Variants in TTC27 observed in about 807,000 individuals in gnomAD.
TTC27 encodes the protein tetratricopeptide repeat domain 27.
A neutral mutation model predicts 115.9 loss-of-function variants in TTC27; 79 were observed. That is an observed-to-expected ratio of 0.68 (90% CI 0.57 to 0.82). TTC27 has a LOEUF of 0.82. TTC27 is among the 40% of genes least tolerant of loss of function. The pLI is 0.00. For missense variants in TTC27, 1,054 were observed against 993.1 expected, an observed-to-expected ratio of 1.06 and a Z score of -0.82; for synonymous variants, 401 against 356.0, an observed-to-expected ratio of 1.13 and a Z score of -1.42.
intron 5 of TTC27, among the ~76,000 whole-genome samples, chr2:32,656,245 T>C (rs1665311237): frequency 6.6e-6 from 1 of 152,180 alleles, no homozygotes; most frequent in African/African-American, 2.4e-5. Context: ...TCAGTGAACT[T>C]AGTGAGATAA....
rs192575492 is a variant in TTC27 at position 32,721,645 on chromosome 2, A to C, written c.1234-12183A>C. The stretch of plus-strand genomic sequence containing the variant: ...CTTTTTTTTTTTTTTTTTCTTTTAG[A>C]GGCAGAGTCTTGCTGTGTCACCCAG... On this transcript the variant is annotated intron_variant, in intron 10 of 19. Transcript: ENST00000317907. Among the ~76,000 whole-genome samples the C allele has an allele frequency of 3.3e-3, 451 of 135,914 alleles. 6 individuals carry two copies. Among genetic ancestry groups the C allele is most frequent in the African/African-American group, 0.012 (438 of 35,624 alleles). 89.2% of individuals were successfully genotyped at this position (135,914 alleles called of 152,430 possible). A position where few individuals can be genotyped will look rare whatever the true frequency, so the allele number is the denominator to read the frequency against.
intron 13 of TTC27, among the ~76,000 whole-genome samples, chr2:32,764,470 C>A (rs1025579288): frequency 4.6e-5 from 7 of 152,184 alleles, no homozygotes; most frequent in Non-Finnish European, 8.8e-5. Context: ...TAATGATTAT[C>A]TGAGCCTTCA....
At chr2:32,670,367 G>A (rs929007640) in intron 7 of TTC27, among the ~76,000 whole-genome samples, 37 of 152,152 alleles carry the variant, frequency 2.4e-4, no homozygotes, top group Non-Finnish European at 8.8e-5. Flanking sequence ...TCCAAAGAGT[G>A]CCGCCATAGT....
intron 9 of TTC27, among the ~76,000 whole-genome samples, chr2:32,683,977 A>T (rs1279226652): frequency 2.0e-5 from 3 of 151,982 alleles, no homozygotes; most frequent in Non-Finnish European, 2.9e-5. Context: ...AACATGGTGA[A>T]ACCCTGTCTC....
chr2:32,705,772 T>C (rs563273336), intron 10 of TTC27, among the ~76,000 whole-genome samples: 48 of 152,298 alleles, frequency 3.2e-4, no homozygotes, highest in African/African-American at 1.1e-3. Context: ...CAGGCTGGTC[T>C]AGAACTCCTG....
chr2:32,770,011 A>G (rs561562361), intron 13 of TTC27, among the ~76,000 whole-genome samples: 2 of 152,320 alleles, frequency 1.3e-5, no homozygotes, highest in African/African-American at 4.8e-5. Context: ...GCCTGATGGA[A>G]GTGAATATTG....
intron 9 of TTC27, among the ~76,000 whole-genome samples, chr2:32,699,151 C>T (rs1394027159): frequency 5.9e-5 from 9 of 152,166 alleles, no homozygotes; most frequent in African/African-American, 2.2e-4. Flanking sequence ...GTATGTAAGG[C>T]ACTAGGAATC....
Position 32,628,305 on chromosome 2 carries a change from G to A in TTC27, c.13G>A (p.Glu5Lys), listed in dbSNP as rs1374613620. 3 of 1,606,308 alleles carry A rather than the reference G, an allele frequency of 1.9e-6. No homozygotes were observed. The highest frequency in any genetic ancestry group is 1.1e-5 in the South Asian group (1 of 88,900). The change falls in exon 1 of 20, where the codon GAG (glutamate) becomes AAG (lysine). Residue 5 changes from glutamate to lysine, a missense_variant. By Grantham distance (56) the Glu-to-Lys change is moderately conservative. Coordinates refer to ENST00000317907, the MANE Select transcript of TTC27 (RefSeq NM_017735.5). Reference sequence around the variant, plus strand: ...GGTGTCTGGGGTGATGTGGACCCCGGAGCTGGCAATTCTGAGGGGATTCCC... The same window carrying A: ...GGTGTCTGGGGTGATGTGGACCCCGAAGCTGGCAATTCTGAGGGGATTCCC... The part of the protein sequence containing the change: MWTP[E>K]LAILRGFPTE...
intron 16 of TTC27, among the ~76,000 whole-genome samples, chr2:32,801,015 C>T (rs1215607921): frequency 6.6e-6 from 1 of 152,110 alleles, no homozygotes; most frequent in Non-Finnish European, 1.5e-5. Context: ...GACTTCTGGC[C>T]AGTGAGTGGG....
intron 16 of TTC27, among the ~76,000 whole-genome samples, chr2:32,807,005 C>T (rs1671154419): frequency 6.6e-6 from 1 of 151,998 alleles, no homozygotes. Flanking sequence ...GTGAAAACAC[C>T]TGTGTAACCA....
At chr2:32,790,863 T>A (rs189374718) in intron 16 of TTC27, among the ~76,000 whole-genome samples, 2 of 152,188 alleles carry the variant, frequency 1.3e-5, no homozygotes, top group Admixed American at 1.3e-4. Flanking sequence ...TTACATGGAC[T>A]CTTTATGGTT....
intron 9 of TTC27, among the ~76,000 whole-genome samples, chr2:32,691,409 C>T (rs1223414566): frequency 6.6e-6 from 1 of 151,834 alleles, no homozygotes; most frequent in Non-Finnish European, 1.5e-5. Flanking sequence ...AGTGATTCTC[C>T]TGCCTCAGTC....
At chr2:32,659,355 CTTTTTTTT>C (rs78014491) in intron 5 of TTC27, among the ~76,000 whole-genome samples, 4 of 118,258 alleles carry the variant, frequency 3.4e-5, no homozygotes, top group Non-Finnish European at 6.8e-5. Flanking sequence ...GGTGTTACCT[CTTTTTTTT>C]TTTTTTTTTT....
intron 3 of TTC27, among the ~76,000 whole-genome samples, chr2:32,637,673 C>G (rs772001257): frequency 6.6e-6 from 1 of 152,072 alleles, no homozygotes; most frequent in Non-Finnish European, 1.5e-5. Context: ...TCTTCTTGTG[C>G]TTTACCAGTT....
chr2:32,812,840 G>A (rs1396789298), intron 18 of TTC27, among the ~76,000 whole-genome samples: 1 of 152,206 alleles, frequency 6.6e-6, no homozygotes, highest in Non-Finnish European at 1.5e-5. Flanking sequence ...TTCTGTTGGA[G>A]TAAGTAACAG....
chr2:32,764,836 T>C (rs1669570804), intron 13 of TTC27, among the ~76,000 whole-genome samples: 1 of 152,246 alleles, frequency 6.6e-6, no homozygotes, highest in Admixed American at 6.5e-5. Context: ...GAAACCACTT[T>C]CTTTATTCAT....
chr2:32,813,603 C>G (rs1671387227), intron 18 of TTC27, among the ~76,000 whole-genome samples: 1 of 152,158 alleles, frequency 6.6e-6, no homozygotes, highest in Non-Finnish European at 1.5e-5. Flanking sequence ...CTCTCACCAC[C>G]ACCCTCTTCC....
chr2:32,744,508 T>G (rs1304649491), intron 12 of TTC27, among the ~76,000 whole-genome samples: 1 of 152,192 alleles, frequency 6.6e-6, no homozygotes, highest in Non-Finnish European at 1.5e-5. Flanking sequence ...ATATTAATGT[T>G]CCTAGAAGCT....
At chr2:32,656,008 A>T (rs1665301462) in intron 5 of TTC27, among the ~76,000 whole-genome samples, 1 of 152,178 alleles carries the variant, frequency 6.6e-6, no homozygotes, top group Non-Finnish European at 1.5e-5. Context: ...GCAGCTGTAG[A>T]CTGCTCAACA....
Sources: allele counts gnomAD v4.1 joint callset (sites outside exome capture counted in the v4.1 genomes callset), GRCh38; gene constraint gnomAD v4.1.1; transcripts MANE v1.5; gene names NCBI Gene and HGNC (gene_info 2026-07-23, HGNC 2026-07-21).